The following DENND1A variants were observed in gnomAD, a reference collection of about 807,000 sequenced individuals.
DENND1A encodes the protein DENN domain-containing protein 1A.
A neutral mutation model predicts 113.7 loss-of-function variants in DENND1A; 51 were observed. The ratio of observed to expected loss-of-function variants is 0.45; its 90% CI spans 0.36 to 0.57. The LOEUF is 0.57. DENND1A is among the 20% of genes least tolerant of loss of function. DENND1A has a pLI of 0.00. For synonymous variants in DENND1A, 565 were observed against 570.8 expected (o/e 0.99, Z 0.14); for missense variants, 1,258 against 1,395.9 (o/e 0.90, Z 1.57).
rs535576423 is a variant in DENND1A, at chr9:123,512,083, AGAATG to A, written c.993+45482_993+45486del. Reference sequence around the variant, plus strand: ...CTAAAAGCTCCAAACAAGAACCAGCAGAATGGCAAAAAGGCAAACAGGTGATCAAA... The same window carrying A: ...CTAAAAGCTCCAAACAAGAACCAGCAGCAAAAAGGCAAACAGGTGATCAAA... On this transcript the variant is annotated intron_variant, in intron 13 of 23. Transcript: ENST00000394215. 1.2e-4 allele frequency among the ~76,000 whole-genome samples: 18 copies of A among 152,362 alleles called. No homozygotes were observed. The South Asian group carries it at 3.7e-3, about 32-fold the overall frequency.
intron 5 of DENND1A, among the ~76,000 whole-genome samples, chr9:123,702,974 T>G (rs888362810): frequency 6.6e-6 from 1 of 152,192 alleles, no homozygotes; most frequent in Admixed American, 6.5e-5. Context: ...ATTTTAAAAA[T>G]AACTACAATG....
intron 13 of DENND1A, among the ~76,000 whole-genome samples, chr9:123,543,660 G>C (rs1366443727): frequency 6.6e-6 from 1 of 152,178 alleles, no homozygotes; most frequent in Non-Finnish European, 1.5e-5. Context: ...GCTTGCCTCT[G>C]CATGTGCTAC....
Position 123,440,466 on chromosome 9 carries a change from G to A in DENND1A, c.1382C>T (p.Pro461Leu). 1.3e-6 allele frequency: 2 copies of A among 1,571,066 alleles called. No individual in the cohort carries two copies. The highest frequency in any genetic ancestry group is 2.4e-5 in the South Asian group (2 of 85,006). Residue 461 changes from proline (P) to leucine (L), a missense_variant, in exon 19 of 24, where the codon CCC becomes CTC. This residue lies in a region of DENND1A where 1,159 missense variants were observed against 1,231.7 expected (regional missense o/e 0.94). Coordinates refer to ENST00000394215, the MANE Select transcript of DENND1A (RefSeq NM_001352964.2). ...CTTTGGCAGCTGCTCTTCTGGGGTG[G>A]GGGCGCAGCCATTCTCGGCAATGTC... ...QKDIAENGCA[P>L]TPEEQLPKTA...
chr9:123,756,229 G>A (rs1172562368), intron 5 of DENND1A, among the ~76,000 whole-genome samples: 3 of 152,236 alleles, frequency 2.0e-5, no homozygotes, highest in Non-Finnish European at 2.9e-5. Context: ...AGTTTTTGAG[G>A]AGTCAAAGTT....
chr9:123,546,514 T>G (rs2056707680), intron 13 of DENND1A, among the ~76,000 whole-genome samples: 1 of 151,596 alleles, frequency 6.6e-6, no homozygotes, highest in Non-Finnish European at 1.5e-5. Flanking sequence ...ATCGCACCAC[T>G]GCACTCCAGC....
chr9:123,607,949 A>G (rs1436000055), intron 11 of DENND1A, among the ~76,000 whole-genome samples: 1 of 152,166 alleles, frequency 6.6e-6, no homozygotes, highest in Non-Finnish European at 1.5e-5. Context: ...TTCAAACTCT[A>G]CAGCAATTGG....
intron 19 of DENND1A, among the ~76,000 whole-genome samples, chr9:123,436,695 CAT>C (rs1564484971): frequency 6.6e-6 from 1 of 152,070 alleles, no homozygotes; most frequent in Non-Finnish European, 1.5e-5. Flanking sequence ...AGTGGCCTAA[CAT>C]ATGTCTGCTT....
chr9:123,833,938 C>G (rs1840674989), intron 2 of DENND1A, among the ~76,000 whole-genome samples: 1 of 152,108 alleles, frequency 6.6e-6, no homozygotes, highest in African/African-American at 2.4e-5. Context: ...TGCTTGTAGT[C>G]CCAGCTACTC....
chr9:123,727,555 C>T (rs2067797482), intron 5 of DENND1A, among the ~76,000 whole-genome samples: 1 of 152,108 alleles, frequency 6.6e-6, no homozygotes. Context: ...AAATCATAAA[C>T]AGATGATGAC....
chr9:123,657,872 T>TAAGC (rs1454466750), intron 8 of DENND1A, among the ~76,000 whole-genome samples: 1 of 148,192 alleles, frequency 6.7e-6, no homozygotes, highest in Non-Finnish European at 1.5e-5. Context: ...GAAATTCACA[T>TAAGC]AAGCAATCAA....
chr9:123,626,310 G>A (rs186770280), intron 10 of DENND1A, among the ~76,000 whole-genome samples: 1 of 152,136 alleles, frequency 6.6e-6, no homozygotes. Context: ...TATGAAGGTG[G>A]GCGCGTCTGT....
At chr9:123,915,161 CTTATCCAT>C (rs1424015221) in intron 1 of DENND1A, among the ~76,000 whole-genome samples, 1 of 152,114 alleles carries the variant, frequency 6.6e-6, no homozygotes, top group Non-Finnish European at 1.5e-5. Flanking sequence ...TATATGCAAA[CTTATCCAT>C]ATATGATGCC....
intron 19 of DENND1A, among the ~76,000 whole-genome samples, chr9:123,415,940 T>C (rs1228308683): frequency 6.6e-6 from 1 of 151,796 alleles, no homozygotes; most frequent in Non-Finnish European, 1.5e-5. Context: ...CATTAAACAC[T>C]GTAGGAGGTG....
At position 123,614,905 on chromosome 9, in the gene DENND1A, TG is replaced by T. The variant is rs1290272625; in HGVS notation, c.720-5425del. Among the ~76,000 whole-genome samples the T allele has an allele frequency of 4.6e-5, 7 of 152,256 alleles. No homozygotes were observed. The East Asian group carries it at 1.3e-3, about 29-fold the overall frequency. On this transcript the variant is annotated intron_variant, in intron 10 of 23. Transcript: ENST00000394215. ...TTATGTGAGCTTTTCTTTCTTTTTTTGTAAAAGACACAAACGTGTAAACACA... is the reference window on the plus strand; with the variant it reads ...TTATGTGAGCTTTTCTTTCTTTTTTTTAAAAGACACAAACGTGTAAACACA...
chr9:123,554,639 T>TA (rs2057320101), intron 13 of DENND1A, among the ~76,000 whole-genome samples: 1 of 152,216 alleles, frequency 6.6e-6, no homozygotes, highest in African/African-American at 2.4e-5. Flanking sequence ...AAGAAAGCCA[T>TA]TGTGGTTCAG....
In DENND1A at chr9:123,839,986, T is replaced by C. The variant is rs191977496; in HGVS notation, c.88+38965A>G. ...CCCAAATATTATAAATGTTCTTTAATGATTAATTTACTTTAAGGTGAAAAT... is the reference window on the plus strand; with the variant it reads ...CCCAAATATTATAAATGTTCTTTAACGATTAATTTACTTTAAGGTGAAAAT... On this transcript the variant is annotated intron_variant, in intron 2 of 23. Coordinates refer to ENST00000394215, the MANE Select transcript of DENND1A (RefSeq NM_001352964.2). 4.1e-3 allele frequency among the ~76,000 whole-genome samples: 620 copies of C among 152,282 alleles called. 5 individuals carry two copies. Among genetic ancestry groups the C allele is most frequent in the African/African-American group, 0.014 (571 of 41,560 alleles).
At chr9:123,825,760 T>G (rs1403944936) in intron 2 of DENND1A, among the ~76,000 whole-genome samples, 1 of 152,276 alleles carries the variant, frequency 6.6e-6, no homozygotes, top group Non-Finnish European at 1.5e-5. Context: ...TGTGGTTGAC[T>G]GTAATTTTGT....
chr9:123,918,118 A>T lies in DENND1A; in HGVS notation c.17+11771T>A, dbSNP rs150481043. 9.5e-3 allele frequency among the ~76,000 whole-genome samples: 1,441 copies of T among 150,998 alleles called. 59 individuals carry two copies. The East Asian group carries it at 0.12, about 12-fold the overall frequency. ...AACAGGATGAGACTCTGTCTCAAAA[A>T]AAATAAATAAATAAATAAATAAAAG... On this transcript the variant is annotated intron_variant, in intron 1 of 23. Coordinates refer to ENST00000394215, the MANE Select transcript of DENND1A (RefSeq NM_001352964.2).
At position 123,759,252 on chromosome 9, in the gene DENND1A, G is replaced by C. The variant is rs557256733; in HGVS notation, c.183-1430C>G. The C allele has an allele frequency of 4.7e-4, 71 of 152,336 alleles. 1 individual carries two copies. Among genetic ancestry groups the C allele is most frequent in the African/African-American group, 1.7e-3 (70 of 41,562 alleles). The allele number at this position is 152,336 out of a possible 1,614,324, so 9.4% of individuals were successfully genotyped here. A position where few individuals can be genotyped will look rare whatever the true frequency, so the allele number is the denominator to read the frequency against. On this transcript the variant is annotated intron_variant, in intron 4 of 23. Coordinates refer to ENST00000394215, the MANE Select transcript of DENND1A (RefSeq NM_001352964.2). ...AAGGCTACCACCTACTTGCCCAGCT[G>C]TTGCTGCTAGAGCTTGTAGACAAAT...
Sources: gnomAD v4.1 joint callset for allele counts (sites outside exome capture counted in the v4.1 genomes callset) on GRCh38, gnomAD v4.1.1 for gene constraint, gnomAD v4.1.1 regional missense constraint, MANE v1.5 for transcripts, NCBI Gene and HGNC (gene_info 2026-07-23, HGNC 2026-07-21) for gene names.